Variants in PABIR3 observed in about 807,000 individuals in gnomAD.
PABIR3 encodes PABIR family member 1.
Under a neutral mutation model 23.1 loss-of-function variants are expected in PABIR3, and 20 were observed. The ratio of observed to expected loss-of-function variants is 0.86; its 90% CI spans 0.61 to 1.26. PABIR3 has a LOEUF of 1.26. Ranked by LOEUF, PABIR3 falls within the 50% of genes most tolerant of loss-of-function variation. The pLI, the probability that PABIR3 is intolerant of heterozygous loss-of-function variation, is 0.00. For missense variants in PABIR3, 189 were observed against 195.4 expected (o/e 0.97, Z 0.20); for synonymous variants, 69 against 68.5 (o/e 1.01, Z -0.04).
At chrX:134,848,119 G>A (rs992993575) in intron 8 of PABIR3, 148 bp downstream of exon 8, 35 of 499,514 alleles carry the variant, frequency 7.0e-5, no homozygotes, top group Admixed American at 1.1e-4. Context: ...GGCTGGGCAC[G>A]GTGGCTCCTG....
chrX:134,845,838 C>T (rs1218052842), intron 6 of PABIR3, among the ~76,000 whole-genome samples: 2 of 112,293 alleles, frequency 1.8e-5, no homozygotes, highest in African/African-American at 6.5e-5. Flanking sequence ...AATAAAAGTT[C>T]AGTTGCACTA....
At chrX:134,810,530 C>T in intron 2 of PABIR3, 5 of 753,535 alleles carry the variant, frequency 6.6e-6, no homozygotes, top group Middle Eastern at 7.6e-4. Context: ...AGGGGACTTG[C>T]CCAGATGATC....
chrX:134,826,954 A>G (rs1046894076), intron 3 of PABIR3, among the ~76,000 whole-genome samples: 7 of 111,621 alleles, frequency 6.3e-5, no homozygotes, highest in Non-Finnish European at 1.3e-4. Context: ...TATTTTATGT[A>G]TGTATTTATT....
Position 134,813,972 on chromosome X carries a change from G to GT in PABIR3, c.111-785dup, listed in dbSNP as rs746765171. 7.1e-3 allele frequency among the ~76,000 whole-genome samples: 690 copies of GT among 96,784 alleles called. 1 individual carries two copies. The highest frequency in any genetic ancestry group is 0.01 in the Admixed American group (90 of 8,817). The allele number at this position is 96,784 out of a possible 115,157, so 84.0% of individuals were successfully genotyped here. A position where few individuals can be genotyped will look rare whatever the true frequency, so the allele number is the denominator to read the frequency against. On this transcript the variant is annotated intron_variant, in intron 2 of 10. Transcript: ENST00000645433. ...GAAGCCAGAACGTTGGAATCTGGGTGTTTTTTTTTTTTTTAATGTGAAATC... is the reference window on the plus strand; with the variant it reads ...GAAGCCAGAACGTTGGAATCTGGGTGTTTTTTTTTTTTTTTAATGTGAAATC...
At chrX:134,807,149 A>G (rs1043396021), upstream of PABIR3, 2 of 773,253 alleles carry the variant, frequency 2.6e-6, no homozygotes, top group Non-Finnish European at 3.1e-6. Context: ...TGCCTGCATC[A>G]CAACAGGCGT....
At chrX:134,849,327 T>C in intron 9 of PABIR3, 99 bp downstream of exon 9, 1 of 334,137 alleles carries the variant, frequency 3.0e-6, no homozygotes, top group Non-Finnish European at 4.5e-6. Flanking sequence ...AAAGGCTTTA[T>C]TTATTTAAAA....
intron 9 of PABIR3, among the ~76,000 whole-genome samples, chrX:134,849,869 C>CTTTTTTTTTTTTTTTTTTTTTTTTT (rs374919785): frequency 5.1e-5 from 3 of 58,856 alleles, no homozygotes; most frequent in African/African-American, 7.6e-5. Flanking sequence ...GCTCTTCTTC[C>CTTTTTTTTTTTTTTTTTTTTTTTTT]TTTTTTTTTT....
chrX:134,808,586 TAGTC>T (rs1269425602), intron 2 of PABIR3, among the ~76,000 whole-genome samples: 7 of 111,717 alleles, frequency 6.3e-5, no homozygotes, highest in Non-Finnish European at 9.4e-5. Flanking sequence ...TTCACCGTGT[TAGTC>T]AGGATGGTCT....
Position 134,807,266 on chromosome X carries a change from G to T in PABIR3, c.-135G>T. 1 of 905,630 alleles carries T rather than the reference G, an allele frequency of 1.1e-6. No homozygotes were observed. The highest frequency in any genetic ancestry group is 1.4e-6 in the Non-Finnish European group (1 of 735,263). 74.6% of individuals were successfully genotyped at this position (905,630 alleles called of 1,213,427 possible). On this transcript the variant is annotated 5_prime_UTR_variant, in exon 1 of 11. Transcript: ENST00000645433. ...TGGCCGGAAAGGCTTACCATGAGTT[G>T]CCAGGGCTGAGAGAGATGGAGAAGG...
At chrX:134,858,117 G>A (rs1332418593), downstream of PABIR3, among the ~76,000 whole-genome samples, 1 of 111,568 alleles carries the variant, frequency 9.0e-6, no homozygotes, top group Non-Finnish European at 1.9e-5. Context: ...AGTATTCAGG[G>A]ATTTTAGAAG....
chrX:134,855,936 G>C (rs189875064), downstream of PABIR3, among the ~76,000 whole-genome samples: 4 of 111,563 alleles, frequency 3.6e-5, no homozygotes, highest in Non-Finnish European at 7.5e-5. Flanking sequence ...GGAATGAGGT[G>C]TGGTTGCAGT....
At chrX:134,815,766 A>G (rs1428011103) in intron 3 of PABIR3, among the ~76,000 whole-genome samples, 1 of 107,006 alleles carries the variant, frequency 9.3e-6, no homozygotes, top group Admixed American at 1.0e-4. Context: ...TGCAACCTCT[A>G]CCTCCTGGGT....
chrX:134,796,567 CAG>C (rs1316377861), upstream of PABIR3: 1 of 113,081 alleles, frequency 8.8e-6, no homozygotes, highest in Non-Finnish European at 1.6e-5. Context: ...AGCAGGAGGA[CAG>C]AGAGGATAAG....
chrX:134,839,770 C>A (rs1441454981), intron 4 of PABIR3, among the ~76,000 whole-genome samples: 1 of 109,677 alleles, frequency 9.1e-6, no homozygotes, highest in Non-Finnish European at 1.9e-5. Flanking sequence ...CCAGCCGCCT[C>A]GTCCGGGAGG....
chrX:134,846,337 T>C (rs1207055903), intron 6 of PABIR3, among the ~76,000 whole-genome samples: 2 of 112,013 alleles, frequency 1.8e-5, no homozygotes, highest in East Asian at 5.6e-4. Flanking sequence ...GCCACACCAT[T>C]ATCAGCCTGT....
intron 9 of PABIR3, among the ~76,000 whole-genome samples, chrX:134,850,944 C>A (rs1400612206): frequency 8.9e-6 from 1 of 111,892 alleles, no homozygotes; most frequent in Non-Finnish European, 1.9e-5. Context: ...GCTGAAAATT[C>A]ATTTGGCCAT....
At chrX:134,822,191 G>A in intron 3 of PABIR3, 1 of 752,953 alleles carries the variant, frequency 1.3e-6, no homozygotes, top group Non-Finnish European at 1.6e-6. Context: ...AAGGCACAGT[G>A]GGAAATTTAC....
At chrX:134,821,239 C>T in intron 3 of PABIR3, 1 of 750,623 alleles carries the variant, frequency 1.3e-6, no homozygotes, top group Non-Finnish European at 1.8e-6. Flanking sequence ...ATTTTCCAAG[C>T]ATTGTAAAAA....
intron 3 of PABIR3, among the ~76,000 whole-genome samples, chrX:134,823,283 G>A (rs1269703551): frequency 1.8e-5 from 2 of 112,234 alleles, no homozygotes; most frequent in Non-Finnish European, 3.8e-5. Flanking sequence ...TCTTATTTAT[G>A]ACATGTCATT....
Sources: gnomAD v4.1 joint callset for allele counts (sites outside exome capture counted in the v4.1 genomes callset) on GRCh38, gnomAD v4.1.1 for gene constraint, MANE v1.5 for transcripts, NCBI Gene and HGNC (gene_info 2026-07-23, HGNC 2026-07-21) for gene names.